The following CECR2 variants were observed in gnomAD, a reference collection of about 807,000 sequenced individuals.
CECR2 encodes the protein CECR2 histone acetyl-lysine reader.
Under a neutral mutation model 154.5 loss-of-function variants are expected in CECR2, and 30 were observed. That is an observed-to-expected ratio of 0.19 (90% CI 0.15 to 0.26). The LOEUF is 0.26. Among genes scored for constraint, CECR2 ranks in the 10% least tolerant of loss-of-function variants. The probability of loss-of-function intolerance (pLI) is 1.00; values close to 1 mark genes in which losing one functional copy is unlikely to be tolerated. For missense variants in CECR2, 1,743 were observed against 1,829.3 expected (o/e 0.95, Z 0.86); for synonymous variants, 725 against 683.7 (o/e 1.06, Z -0.94).
intron 1 of CECR2, among the ~76,000 whole-genome samples, chr22:17,406,407 C>A (rs2053985288): frequency 6.6e-6 from 1 of 152,166 alleles, no homozygotes; most frequent in Admixed American, 6.6e-5. Context: ...CCTGTAATCC[C>A]AGCTACTGAG....
chr22:17,486,363 G>A (rs1399100074), intron 2 of CECR2, among the ~76,000 whole-genome samples: 1 of 152,230 alleles, frequency 6.6e-6, no homozygotes, highest in East Asian at 1.9e-4. Context: ...GGTATAAAGT[G>A]GTATTTTCCT....
chr22:17,498,158 A>C (rs911263781), intron 3 of CECR2, among the ~76,000 whole-genome samples: 3 of 152,170 alleles, frequency 2.0e-5, no homozygotes, highest in Non-Finnish European at 4.4e-5. Flanking sequence ...TGGGAGGCCA[A>C]GGCAGGCAGA....
intron 1 of CECR2, among the ~76,000 whole-genome samples, chr22:17,392,247 C>G (rs989888125): frequency 1.3e-5 from 2 of 151,968 alleles, no homozygotes; most frequent in Non-Finnish European, 2.9e-5. Flanking sequence ...ATAGTAAGAC[C>G]GTGTCTCAAC....
At chr22:17,368,092 G>T (rs1008506814), upstream of CECR2, among the ~76,000 whole-genome samples, 5 of 152,118 alleles carry the variant, frequency 3.3e-5, no homozygotes, top group African/African-American at 1.2e-4. Context: ...ATTCACAGAA[G>T]ATGCACGTGA....
At chr22:17,438,518 G>C (rs1317593379) in intron 1 of CECR2, among the ~76,000 whole-genome samples, 2 of 152,184 alleles carry the variant, frequency 1.3e-5, no homozygotes, top group Admixed American at 6.5e-5. Flanking sequence ...TTTCCCATAA[G>C]GCAAGCTTGT....
intron 12 of CECR2, 70 bp from the exon 13 acceptor site, chr22:17,538,923 G>GTCTC: frequency 1.3e-6 from 2 of 1,486,482 alleles, no homozygotes; most frequent in East Asian, 2.3e-5. Flanking sequence ...TTATCTCTCT[G>GTCTC]TCTCTCTCTC....
intron 1 of CECR2, among the ~76,000 whole-genome samples, chr22:17,399,805 T>C (rs2053865611): frequency 1.3e-5 from 2 of 152,202 alleles, no homozygotes; most frequent in African/African-American, 2.4e-5. Flanking sequence ...AGTAAAAATT[T>C]TAGTGTAATT....
intron 1 of CECR2, chr22:17,424,804 ACTGTTGTCTCCCT>A (rs1601334909): frequency 6.6e-6 from 1 of 152,634 alleles, no homozygotes; most frequent in East Asian, 1.9e-4. Flanking sequence ...CAACAGTGAT[ACTGTTGTCTCCCT>A]CTGGGCAGCT....
intron 1 of CECR2, among the ~76,000 whole-genome samples, chr22:17,429,681 A>T (rs1468991097): frequency 1.3e-5 from 2 of 152,210 alleles, no homozygotes; most frequent in Non-Finnish European, 2.9e-5. Flanking sequence ...GCGTTGGATG[A>T]GTTCTAAGTA....
intron 1 of CECR2, among the ~76,000 whole-genome samples, chr22:17,390,868 C>T (rs1282836644): frequency 6.6e-6 from 1 of 152,174 alleles, no homozygotes; most frequent in African/African-American, 2.4e-5. Context: ...AGGAGATGAA[C>T]ACTGATAAAC....
chr22:17,487,451 G>A (rs915972185), intron 2 of CECR2, among the ~76,000 whole-genome samples: 1 of 152,184 alleles, frequency 6.6e-6, no homozygotes, highest in African/African-American at 2.4e-5. Context: ...TGTAATCCCA[G>A]CACTTTGGGA....
chr22:17,444,355 A>G (rs2054627502), intron 1 of CECR2, among the ~76,000 whole-genome samples: 1 of 152,170 alleles, frequency 6.6e-6, no homozygotes, highest in African/African-American at 2.4e-5. Flanking sequence ...GGCCAGGTGC[A>G]GTGGCTCATG....
chr22:17,471,657 TC>T (rs913425932), intron 1 of CECR2, among the ~76,000 whole-genome samples: 2 of 151,958 alleles, frequency 1.3e-5, no homozygotes, highest in African/African-American at 4.8e-5. Flanking sequence ...TGCCTCAGCC[TC>T]CCCGGTAGTT....
chr22:17,451,226 T>C (rs5747164), intron 1 of CECR2, among the ~76,000 whole-genome samples: 4 of 152,074 alleles, frequency 2.6e-5, no homozygotes, highest in African/African-American at 9.7e-5. Flanking sequence ...CCTTGAATCT[T>C]CACTTCAATT....
exon 1 of CECR2, chr22:17,359,980 T>C (rs1332058765): frequency 6.6e-6 from 1 of 152,266 alleles, no homozygotes; most frequent in Non-Finnish European, 1.5e-5. Context: ...CCTGTGTGGT[T>C]TCACTTATAT....
At chr22:17,531,326 G>A (rs1045292218) in intron 9 of CECR2, among the ~76,000 whole-genome samples, 3 of 152,238 alleles carry the variant, frequency 2.0e-5, no homozygotes, top group African/African-American at 4.8e-5. Flanking sequence ...TGCCAAGTGC[G>A]GCTTCGCAGA....
At chr22:17,511,209 G>C (rs1483593556) in intron 7 of CECR2, among the ~76,000 whole-genome samples, 1 of 152,172 alleles carries the variant, frequency 6.6e-6, no homozygotes, top group African/African-American at 2.4e-5. Context: ...ATAAACCTTG[G>C]CCTTCAAAAG....
chr22:17,405,122 GT>G (rs1444263934), intron 1 of CECR2, among the ~76,000 whole-genome samples: 16 of 152,054 alleles, frequency 1.1e-4, no homozygotes, highest in Non-Finnish European at 2.2e-4. Context: ...ATTTTTGAAA[GT>G]TTTAGGCCAG....
chr22:17,372,413 C>A (rs1391599703), intron 1 of CECR2, among the ~76,000 whole-genome samples: 4 of 152,098 alleles, frequency 2.6e-5, no homozygotes, highest in African/African-American at 9.7e-5. Context: ...CCCCTGTAAT[C>A]CCAGCACTTT....
Sources: allele counts gnomAD v4.1 joint callset (sites outside exome capture counted in the v4.1 genomes callset), GRCh38; gene constraint gnomAD v4.1.1; transcripts MANE v1.5; gene names NCBI Gene and HGNC (gene_info 2026-07-23, HGNC 2026-07-21).